Variants in OSBPL10 observed in about 807,000 individuals in gnomAD.
The protein encoded by OSBPL10 is oxysterol binding protein like 10, also known as oxysterol-binding protein-related protein 10.
A neutral mutation model predicts 81.7 loss-of-function variants in OSBPL10; 49 were observed. The observed-to-expected ratio is 0.60, with a 90% confidence interval of 0.48 to 0.76. The LOEUF (loss-of-function observed/expected upper bound fraction) is 0.76. OSBPL10 is among the 30% of genes least tolerant of loss of function. OSBPL10 has a pLI of 0.00. For missense variants in OSBPL10, 923 were observed against 987.8 expected, an observed-to-expected ratio of 0.93 and a Z score of 0.88; for synonymous variants, 419 against 383.6, an observed-to-expected ratio of 1.09 and a Z score of -1.08.
chr3:31,885,982 C>G (rs549518537), intron 1 of OSBPL10, among the ~76,000 whole-genome samples: 2 of 102,832 alleles, frequency 1.9e-5, no homozygotes, highest in South Asian at 3.2e-4. Context: ...GAAACAAGAG[C>G]GAAACTCCAT....
chr3:32,004,012 G>T (rs1433234735), intron 2 of OSBPL10, among the ~76,000 whole-genome samples: 1 of 152,148 alleles, frequency 6.6e-6, no homozygotes, highest in Admixed American at 6.5e-5. Context: ...GCACAGCAGG[G>T]AACAGCAGAC....
At chr3:31,891,546 A>G (rs1695890877) in intron 1 of OSBPL10, among the ~76,000 whole-genome samples, 1 of 152,186 alleles carries the variant, frequency 6.6e-6, no homozygotes, top group South Asian at 2.1e-4. Context: ...TAAAACAAGA[A>G]TTTCCAAATG....
At chr3:31,934,090 C>A (rs73824716) in intron 1 of OSBPL10, among the ~76,000 whole-genome samples, 1,427 of 129,332 alleles carry the variant, frequency 0.011, 11 homozygotes, top group African/African-American at 0.035. Context: ...AAAAAAAAAA[C>A]AAAAAAAAAA....
chr3:31,945,032 T>A (rs1356008589), intron 1 of OSBPL10, among the ~76,000 whole-genome samples: 1 of 149,524 alleles, frequency 6.7e-6, no homozygotes, highest in Non-Finnish European at 1.5e-5. Flanking sequence ...ACATGTGTAG[T>A]CCCAGCTACT....
In OSBPL10 at chr3:31,694,307, G is replaced by A. The variant is rs529600860; in HGVS notation, c.1245+8052C>T. Among the ~76,000 whole-genome samples, 3 of 134,544 alleles carry A rather than the reference G, an allele frequency of 2.2e-5. No homozygotes were observed. The East Asian group carries it at 7.8e-4, about 35-fold the overall frequency. 88.3% of individuals were successfully genotyped at this position (134,544 alleles called of 152,430 possible). A position where few individuals can be genotyped will look rare whatever the true frequency, so the allele number is the denominator to read the frequency against. On this transcript the variant is annotated intron_variant, in intron 7 of 11. Transcript: ENST00000396556. ...AATCACTTGAACTCGGGAGGCAGAG[G>A]TTGAAGTTAGCCGAGATCATGCTAC...
intron 8 of OSBPL10, among the ~76,000 whole-genome samples, chr3:31,679,927 T>A (rs1335651560): frequency 1.3e-5 from 2 of 152,134 alleles, no homozygotes; most frequent in Non-Finnish European, 2.9e-5. Flanking sequence ...GGCAATCTTC[T>A]CCCTGCTTTC....
At chr3:31,755,384 T>C (rs1251067106) in intron 4 of OSBPL10, among the ~76,000 whole-genome samples, 1 of 152,238 alleles carries the variant, frequency 6.6e-6, no homozygotes, top group South Asian at 2.1e-4. Context: ...CAGATCTAAC[T>C]GGCCGGTTGG....
chr3:31,880,246 G>A (rs1033621261), intron 1 of OSBPL10, among the ~76,000 whole-genome samples: 1 of 152,200 alleles, frequency 6.6e-6, no homozygotes, highest in Non-Finnish European at 1.5e-5. Flanking sequence ...CACCCAGAGA[G>A]CAGCAGCAAG....
intron 2 of OSBPL10, among the ~76,000 whole-genome samples, chr3:32,021,207 G>A (rs1192319750): frequency 6.6e-6 from 1 of 152,192 alleles, no homozygotes; most frequent in Non-Finnish European, 1.5e-5. Flanking sequence ...ATTGGGGCGT[G>A]GGTGGGACAT....
intron 6 of OSBPL10, among the ~76,000 whole-genome samples, chr3:31,731,479 T>A (rs1256526172): frequency 1.4e-5 from 2 of 147,612 alleles, no homozygotes; most frequent in Non-Finnish European, 3.0e-5. Context: ...GGGAATTAGT[T>A]ATTTCTTTCT....
At chr3:31,836,547 T>C (rs4566577) in intron 3 of OSBPL10, among the ~76,000 whole-genome samples, 116,718 of 143,814 alleles carry the variant, frequency 0.81, 47,256 homozygotes, top group South Asian at 0.94. Context: ...CCCCCTCCTC[T>C]ACCCCCCTGC....
At chr3:32,060,097 T>C (rs748617102) in intron 1 of OSBPL10, among the ~76,000 whole-genome samples, 5 of 151,928 alleles carry the variant, frequency 3.3e-5, no homozygotes, top group South Asian at 2.1e-4. Flanking sequence ...TATATATATA[T>C]ACTTACGGTA....
chr3:31,699,701 A>T (rs1695835519), intron 7 of OSBPL10, among the ~76,000 whole-genome samples: 1 of 152,188 alleles, frequency 6.6e-6, no homozygotes, highest in Non-Finnish European at 1.5e-5. Flanking sequence ...ACATCCACGA[A>T]CCTGGCCCTG....
intron 2 of OSBPL10, chr3:31,879,324 C>A (rs760543600): frequency 1.0e-4 from 19 of 188,494 alleles, no homozygotes; most frequent in Non-Finnish European, 1.8e-4. Context: ...ACAGCCCTCA[C>A]AGGGCACTGT....
chr3:31,890,531 C>T (rs1695864333), intron 1 of OSBPL10, among the ~76,000 whole-genome samples: 1 of 152,040 alleles, frequency 6.6e-6, no homozygotes. Flanking sequence ...GATTAAGAGC[C>T]ACCAGCCTGA....
At chr3:31,723,725 G>A (rs751154603) in intron 6 of OSBPL10, among the ~76,000 whole-genome samples, 3 of 152,236 alleles carry the variant, frequency 2.0e-5, no homozygotes, top group Admixed American at 6.5e-5. Context: ...AGAACTCATC[G>A]ATTAACTCAG....
chr3:31,837,649 C>CAAA (rs10704809), intron 3 of OSBPL10, among the ~76,000 whole-genome samples: 8 of 136,456 alleles, frequency 5.9e-5, no homozygotes, highest in African/African-American at 1.9e-4. Flanking sequence ...TGTTTTATTT[C>CAAA]AAAAAAAAAA....
At chr3:32,050,466 C>CT (rs1308225748) in intron 1 of OSBPL10, among the ~76,000 whole-genome samples, 1 of 152,174 alleles carries the variant, frequency 6.6e-6, no homozygotes, top group Non-Finnish European at 1.5e-5. Flanking sequence ...TTTCTCTGAG[C>CT]TACCTTTGGT....
At chr3:31,858,693 C>T (rs555254973) in intron 3 of OSBPL10, among the ~76,000 whole-genome samples, 94 of 152,316 alleles carry the variant, frequency 6.2e-4, no homozygotes, top group Non-Finnish European at 1.2e-3. Context: ...TTTAATCCTG[C>T]AGCATCACAG....
Sources: gnomAD v4.1 joint callset for allele counts (sites outside exome capture counted in the v4.1 genomes callset) on GRCh38, gnomAD v4.1.1 for gene constraint, MANE v1.5 for transcripts, NCBI Gene and HGNC (gene_info 2026-07-23, HGNC 2026-07-21) for gene names.